Variants in SPAG16 observed in about 807,000 individuals in gnomAD.
SPAG16 encodes sperm-associated antigen 16 protein.
A neutral mutation model predicts 80.4 loss-of-function variants in SPAG16; 86 were observed. The ratio of observed to expected loss-of-function variants is 1.07; its 90% CI spans 0.90 to 1.28. The LOEUF (loss-of-function observed/expected upper bound fraction) is 1.28, where lower values mean the gene tolerates loss of function less well. Ranked by LOEUF, SPAG16 falls within the 50% of genes most tolerant of loss-of-function variation. SPAG16 has a pLI of 0.00. For synonymous variants in SPAG16, 294 were observed against 265.9 expected, an observed-to-expected ratio of 1.11 and a Z score of -1.03; for missense variants, 870 against 765.3, an observed-to-expected ratio of 1.14 and a Z score of -1.61.
At chr2:214,173,134 G>GC (rs2125640160) in intron 15 of SPAG16, among the ~76,000 whole-genome samples, 1 of 152,138 alleles carries the variant, frequency 6.6e-6, no homozygotes, top group East Asian at 1.9e-4. Flanking sequence ...GGCTTTTGTT[G>GC]CCGTTGCTTT....
chr2:213,817,178 C>A (rs961817668), intron 10 of SPAG16, among the ~76,000 whole-genome samples: 2 of 148,172 alleles, frequency 1.3e-5, no homozygotes, highest in East Asian at 3.9e-4. Flanking sequence ...TTATTTATTT[C>A]TTGATATTTA....
At chr2:213,535,728 GTC>G (rs907233604) in intron 10 of SPAG16, among the ~76,000 whole-genome samples, 2 of 152,082 alleles carry the variant, frequency 1.3e-5, no homozygotes, top group Non-Finnish European at 2.9e-5. Context: ...GAATTTAAAA[GTC>G]TCTATCATAA....
chr2:214,299,222 T>C (rs913336438), intron 15 of SPAG16, among the ~76,000 whole-genome samples: 2 of 147,800 alleles, frequency 1.4e-5, no homozygotes, highest in East Asian at 4.0e-4. Flanking sequence ...AAGGCTAGAA[T>C]CTAAAAACAA....
intron 10 of SPAG16, among the ~76,000 whole-genome samples, chr2:213,621,471 T>C (rs13402035): frequency 1.3e-5 from 2 of 152,094 alleles, no homozygotes; most frequent in Non-Finnish European, 2.9e-5. Context: ...CATGATGGAG[T>C]GGGAATTTTT....
intron 12 of SPAG16, among the ~76,000 whole-genome samples, chr2:213,934,662 CAATT>C (rs1434025603): frequency 6.6e-6 from 1 of 152,092 alleles, no homozygotes; most frequent in African/African-American, 2.4e-5. Context: ...TTATTAGCCT[CAATT>C]AGTTAAGTAT....
At chr2:213,463,953 C>G (rs1284129611) in intron 9 of SPAG16, among the ~76,000 whole-genome samples, 2 of 152,162 alleles carry the variant, frequency 1.3e-5, no homozygotes. Flanking sequence ...AAAAGAAGTA[C>G]AGCGTATGAT....
At chr2:213,658,989 T>C (rs1005727540) in intron 10 of SPAG16, among the ~76,000 whole-genome samples, 8 of 152,236 alleles carry the variant, frequency 5.3e-5, no homozygotes, top group South Asian at 2.1e-4. Context: ...TGAGCTGAGG[T>C]TGTGCCACAG....
chr2:213,328,121 A>G (rs1039039351), intron 5 of SPAG16, among the ~76,000 whole-genome samples: 6 of 152,154 alleles, frequency 3.9e-5, no homozygotes, highest in South Asian at 2.1e-4. Context: ...TGAAGTAACC[A>G]TATCTGTTAG....
At chr2:213,320,901 A>G (rs1449879481) in intron 5 of SPAG16, among the ~76,000 whole-genome samples, 1 of 152,042 alleles carries the variant, frequency 6.6e-6, no homozygotes, top group Admixed American at 6.6e-5. Flanking sequence ...TTTCCGAACT[A>G]CATCTGTCAT....
At chr2:213,307,907 T>G (rs1050552968) in intron 3 of SPAG16, among the ~76,000 whole-genome samples, 1 of 152,206 alleles carries the variant, frequency 6.6e-6, no homozygotes, top group African/African-American at 2.4e-5. Flanking sequence ...AAAGAATTTT[T>G]GGGGCAGCAA....
At chr2:213,837,297 C>G (rs1335980090) in intron 10 of SPAG16, among the ~76,000 whole-genome samples, 5 of 152,178 alleles carry the variant, frequency 3.3e-5, no homozygotes, top group African/African-American at 1.2e-4. Context: ...AGGCCTTATA[C>G]CAAGTATAAA....
intron 9 of SPAG16, among the ~76,000 whole-genome samples, chr2:213,384,649 C>G (rs1384849000): frequency 6.6e-6 from 1 of 152,136 alleles, no homozygotes; most frequent in African/African-American, 2.4e-5. Flanking sequence ...GTAGGAGGAT[C>G]CTTTTTCATA....
At chr2:213,962,052 T>C (rs2044461974) in intron 12 of SPAG16, among the ~76,000 whole-genome samples, 1 of 152,164 alleles carries the variant, frequency 6.6e-6, no homozygotes, top group Admixed American at 6.5e-5. Context: ...CTAATTGTTA[T>C]GGACTGAACT....
At chr2:213,601,994 C>G (rs949212414) in intron 10 of SPAG16, among the ~76,000 whole-genome samples, 1 of 152,198 alleles carries the variant, frequency 6.6e-6, no homozygotes, top group African/African-American at 2.4e-5. Context: ...AAGCTAGATT[C>G]CTCGCATGTG....
At chr2:213,422,196 C>T (rs958767501) in intron 9 of SPAG16, 26 of 701,042 alleles carry the variant, frequency 3.7e-5, no homozygotes, top group Admixed American at 8.0e-5. Flanking sequence ...AGAAGCTCCA[C>T]GAGCCAGTGC....
Position 213,364,067 on chromosome 2 carries a change from A to AT in SPAG16, c.763-9_763-8insT. The AT allele has an allele frequency of 7.0e-7, 1 of 1,427,920 alleles. No individual in the cohort carries two copies. The allele number at this position is 1,427,920 out of a possible 1,614,324, so 88.5% of individuals were successfully genotyped here. A position where few individuals can be genotyped will look rare whatever the true frequency, so the allele number is the denominator to read the frequency against. On this transcript the variant is annotated splice_polypyrimidine_tract_variant and intron_variant, in intron 7 of 15. Coordinates refer to ENST00000331683, the MANE Select transcript of SPAG16 (RefSeq NM_024532.5). Reference sequence around the variant, plus strand: ...GTATAATTTCATTTCTTTGAATTTTACTTTTTAGATTTCTGGACTTCAAGA... The same window carrying AT: ...GTATAATTTCATTTCTTTGAATTTTATCTTTTTAGATTTCTGGACTTCAAGA...
At chr2:213,991,278 T>C (rs554231710) in intron 12 of SPAG16, among the ~76,000 whole-genome samples, 1 of 152,262 alleles carries the variant, frequency 6.6e-6, no homozygotes, top group African/African-American at 2.4e-5. Flanking sequence ...CTGTATTACT[T>C]TGTTAAAAAT....
chr2:213,787,144 AG>A (rs2125597176), intron 10 of SPAG16, among the ~76,000 whole-genome samples: 1 of 152,288 alleles, frequency 6.6e-6, no homozygotes, highest in East Asian at 1.9e-4. Context: ...ATGGGTTGAT[AG>A]GTGCAGCAAA....
chr2:213,287,862 G>T (rs1285174958), intron 1 of SPAG16, among the ~76,000 whole-genome samples: 1 of 152,138 alleles, frequency 6.6e-6, no homozygotes, highest in East Asian at 1.9e-4. Context: ...GAAGTAGCAA[G>T]CCTGTAGATA....
Sources: allele counts gnomAD v4.1 joint callset (sites outside exome capture counted in the v4.1 genomes callset), GRCh38; gene constraint gnomAD v4.1.1; transcripts MANE v1.5; gene names NCBI Gene and HGNC (gene_info 2026-07-23, HGNC 2026-07-21).